HAPLN1: variants seen among roughly 807,000 people sequenced by gnomAD.
HAPLN1 encodes the protein Cartilage link protein.
A neutral mutation model predicts 36.5 loss-of-function variants in HAPLN1; 13 were observed. The observed-to-expected ratio is 0.36, with a 90% confidence interval of 0.23 to 0.57. The LOEUF (loss-of-function observed/expected upper bound fraction) is 0.57. Among genes scored for constraint, HAPLN1 ranks in the 20% least tolerant of loss-of-function variants. The probability of loss-of-function intolerance (pLI) is 0.83; values close to 1 mark genes in which losing one functional copy is unlikely to be tolerated. For missense variants in HAPLN1, 407 were observed against 439.7 expected, an observed-to-expected ratio of 0.93 and a Z score of 0.66; for synonymous variants, 202 against 169.8, an observed-to-expected ratio of 1.19 and a Z score of -1.48.
intron 1 of HAPLN1, among the ~76,000 whole-genome samples, chr5:83,702,085 A>G (rs1751522867): frequency 6.6e-6 from 1 of 152,214 alleles, no homozygotes; most frequent in Non-Finnish European, 1.5e-5. Context: ...TGATGCAAGC[A>G]TGAGCCATGT....
intron 1 of HAPLN1, among the ~76,000 whole-genome samples, chr5:83,702,723 T>C (rs570782301): frequency 2.2e-5 from 3 of 135,746 alleles, no homozygotes; most frequent in Middle Eastern, 3.8e-3. Flanking sequence ...ATATGCCCTC[T>C]TTTTTTTTCC....
chr5:83,691,132 C>T (rs760674913), intron 1 of HAPLN1, among the ~76,000 whole-genome samples: 10 of 151,890 alleles, frequency 6.6e-5, no homozygotes, highest in Non-Finnish European at 1.5e-4. Context: ...AATTTATTGC[C>T]GAAAGAAAGT....
intron 2 of HAPLN1, 128 bp from the exon 3 acceptor site, chr5:83,652,952 C>T (rs930210723): frequency 6.0e-5 from 54 of 904,566 alleles, no homozygotes; most frequent in East Asian, 8.1e-5. Flanking sequence ...AGCTTCTCTA[C>T]GTAATCTCTT....
chr5:83,646,424 T>C (rs1398569008), intron 3 of HAPLN1, among the ~76,000 whole-genome samples: 1 of 152,194 alleles, frequency 6.6e-6, no homozygotes, highest in Non-Finnish European at 1.5e-5. Flanking sequence ...GCATAACCAG[T>C]ACACAGAAAT....
chr5:83,693,941 C>A (rs1276080730), intron 1 of HAPLN1, among the ~76,000 whole-genome samples: 19 of 151,732 alleles, frequency 1.3e-4, no homozygotes, highest in Admixed American at 1.1e-3. Context: ...TACTGTAAAC[C>A]AACCTCACCT....
At chr5:83,660,492 G>A (rs1474667126) in intron 2 of HAPLN1, among the ~76,000 whole-genome samples, 3 of 152,180 alleles carry the variant, frequency 2.0e-5, no homozygotes, top group African/African-American at 4.8e-5. Context: ...TGGGCATCAC[G>A]AGGCCCCAAG....
At chr5:83,716,024 C>T (rs760252336) in intron 1 of HAPLN1, among the ~76,000 whole-genome samples, 24 of 151,988 alleles carry the variant, frequency 1.6e-4, no homozygotes, top group Non-Finnish European at 2.9e-4. Context: ...ATAGCCAGTG[C>T]TCAATACATT....
chr5:83,690,664 A>G (rs900162841), intron 1 of HAPLN1, among the ~76,000 whole-genome samples: 1 of 151,932 alleles, frequency 6.6e-6, no homozygotes, highest in African/African-American at 2.4e-5. Context: ...TTCCATTTTT[A>G]TCTGCTAATT....
Position 83,673,038 on chromosome 5 carries a change from C to A in HAPLN1, c.100+386G>T, listed in dbSNP as rs115379850. Among the ~76,000 whole-genome samples the A allele has an allele frequency of 6.6e-3, 1,003 of 152,296 alleles. 10 individuals are homozygous for A. Among genetic ancestry groups the A allele is most frequent in the Middle Eastern group, 0.031 (9 of 294 alleles). ...AATTTTCATTTTATTTATATTGTTT[C>A]TCTTAATGATTAAACAGTTACTCTA... On this transcript the variant is annotated intron_variant, in intron 2 of 4. Transcript: ENST00000274341.
chr5:83,702,159 T>A (rs1318863375), intron 1 of HAPLN1, among the ~76,000 whole-genome samples: 1 of 152,028 alleles, frequency 6.6e-6, no homozygotes, highest in Non-Finnish European at 1.5e-5. Context: ...AGCTCAGAAT[T>A]AGAGGAGTAG....
chr5:83,639,612 A>G lies in HAPLN1; in HGVS notation c.*1884T>C, dbSNP rs1005303132. The G allele has an allele frequency of 6.6e-6, 1 of 151,444 alleles. No homozygotes were observed. Among genetic ancestry groups the G allele is most frequent in the African/African-American group, 2.4e-5 (1 of 41,406 alleles). The allele number at this position is 151,444 out of a possible 1,614,324, so 9.4% of individuals were successfully genotyped here. A position where few individuals can be genotyped will look rare whatever the true frequency, so the allele number is the denominator to read the frequency against. On this transcript the variant is annotated 3_prime_UTR_variant, in exon 5 of 5. Transcript: ENST00000274341. ...TTGGGAGATAGTCCCCTCTTTAAAT[A>G]ATATATCATCTCATCCTAGACCATT...
At chr5:83,648,106 T>G (rs562572560) in intron 3 of HAPLN1, among the ~76,000 whole-genome samples, 1 of 152,084 alleles carries the variant, frequency 6.6e-6, no homozygotes, top group African/African-American at 2.4e-5. Context: ...CCTAAATTCC[T>G]AGTGACACTC....
At chr5:83,689,031 T>A (rs527737270) in intron 1 of HAPLN1, among the ~76,000 whole-genome samples, 1 of 152,290 alleles carries the variant, frequency 6.6e-6, no homozygotes, top group Non-Finnish European at 1.5e-5. Context: ...ACAGGCAAAA[T>A]TCCATTTAGA....
intron 3 of HAPLN1, among the ~76,000 whole-genome samples, chr5:83,649,057 T>C (rs77714644): frequency 0.017 from 2,635 of 152,290 alleles, 76 homozygotes; most frequent in African/African-American, 0.06. Context: ...CTGAAGTATA[T>C]TTAGACAAAA....
In HAPLN1 at chr5:83,644,349, A is replaced by G. The variant is rs1243929382; in HGVS notation, c.775+14T>C. 1.3e-6 allele frequency: 2 copies of G among 1,510,984 alleles called. No individual in the cohort carries two copies. The highest frequency in any genetic ancestry group is 1.8e-6 in the Non-Finnish European group (2 of 1,124,786). The allele number at this position is 1,510,984 out of a possible 1,614,324, so 93.6% of individuals were successfully genotyped here. On this transcript the variant is annotated intron_variant, in intron 4 of 4. Coordinates refer to ENST00000274341, the MANE Select transcript of HAPLN1 (RefSeq NM_001884.4). Reference sequence around the variant, plus strand: ...TGTGAGATAGGAAAGAAGGCAGTACAGTTATTATCTTACCATTGAAATTGG... The same window carrying G: ...TGTGAGATAGGAAAGAAGGCAGTACGGTTATTATCTTACCATTGAAATTGG...
chr5:83,689,320 C>T (rs1751213865), intron 1 of HAPLN1, among the ~76,000 whole-genome samples: 2 of 151,904 alleles, frequency 1.3e-5, no homozygotes, highest in Non-Finnish European at 2.9e-5. Context: ...ACACATAGCT[C>T]GTGTATTAAT....
chr5:83,690,959 T>A (rs1325242790), intron 1 of HAPLN1, among the ~76,000 whole-genome samples: 1 of 152,008 alleles, frequency 6.6e-6, no homozygotes, highest in Non-Finnish European at 1.5e-5. Context: ...GGACTTCTGT[T>A]TCTGATCAAG....
rs983748424 is a variant in HAPLN1, at chr5:83,667,588, A to G, written c.100+5836T>C. Among the ~76,000 whole-genome samples, 4 of 152,198 alleles carry G rather than the reference A, an allele frequency of 2.6e-5. No homozygotes were observed. In the South Asian group the frequency reaches 8.3e-4, roughly 31 times the overall value. On this transcript the variant is annotated intron_variant, in intron 2 of 4. Transcript: ENST00000274341. ...TTCTGCCTCAAAAAGACGAAAATGA[A>G]TTGATGTAGCTTTTCCAAACAGACT...
intron 1 of HAPLN1, among the ~76,000 whole-genome samples, chr5:83,700,064 C>T (rs978354745): frequency 2.6e-5 from 4 of 151,796 alleles, no homozygotes; most frequent in African/African-American, 9.7e-5. Context: ...CATGGTGGCT[C>T]ATGCCTGTAG....
Sources: allele counts gnomAD v4.1 joint callset (sites outside exome capture counted in the v4.1 genomes callset), GRCh38; gene constraint gnomAD v4.1.1; transcripts MANE v1.5; gene names NCBI Gene and HGNC (gene_info 2026-07-23, HGNC 2026-07-21).